PPEF2: variants seen among roughly 807,000 people sequenced by gnomAD.
PPEF2 encodes serine/threonine-protein phosphatase with EF-hands 2.
Under a neutral mutation model 84.7 loss-of-function variants are expected in PPEF2, and 84 were observed. The ratio of observed to expected loss-of-function variants is 0.99; its 90% CI spans 0.83 to 1.19. PPEF2 has a LOEUF of 1.19. Among genes scored for constraint, PPEF2 ranks in the 50% most tolerant of loss-of-function variants. The pLI, the probability that PPEF2 is intolerant of heterozygous loss-of-function variation, is 0.00. For missense variants in PPEF2, 924 were observed against 937.5 expected (o/e 0.99, Z 0.19); for synonymous variants, 346 against 345.2 (o/e 1.00, Z -0.03).
chr4:75,900,058 C>T (rs573149091), intron 1 of PPEF2, among the ~76,000 whole-genome samples: 1 of 152,216 alleles, frequency 6.6e-6, no homozygotes, highest in South Asian at 2.1e-4. Context: ...AATAAAACCT[C>T]AATATATGTT....
chr4:75,863,505 A>T (rs1256218126), intron 16 of PPEF2, among the ~76,000 whole-genome samples: 2 of 151,738 alleles, frequency 1.3e-5, no homozygotes, highest in Non-Finnish European at 2.9e-5. Context: ...GTCTCAAAAA[A>T]AAAAAAAAAA....
At chr4:75,894,105 T>C (rs1328908019) in intron 2 of PPEF2, among the ~76,000 whole-genome samples, 1 of 152,146 alleles carries the variant, frequency 6.6e-6, no homozygotes, top group Non-Finnish European at 1.5e-5. Context: ...ATAACAACAC[T>C]GTGAGAAAAT....
intron 11 of PPEF2, among the ~76,000 whole-genome samples, chr4:75,874,803 CAG>C (rs1724367862): frequency 1.3e-5 from 2 of 152,160 alleles, no homozygotes; most frequent in Admixed American, 6.5e-5. Context: ...CTTCTAGACT[CAG>C]AGTCAGCTGC....
In PPEF2 at chr4:75,883,050, G is replaced by A; in HGVS notation, c.809C>T (p.Thr270Ile). 6.2e-7 allele frequency: 1 copy of A among 1,614,038 alleles called. No individual in the cohort carries two copies. The highest frequency in any genetic ancestry group is 8.5e-7 in the Non-Finnish European group (1 of 1,179,972). ...YKVHGKEILR[T>I]LQDVFCWLPL... ...AAGCCAACAGAAAACATCTTGCAGG[G>A]TTCTTAGTATTTCCTTCCCGTGTAC... The change falls in exon 10 of 17, where the codon ACC becomes ATC. Residue 270 changes from threonine to isoleucine, a missense_variant. Physicochemically the swap from Thr to Ile is moderately conservative, Grantham distance 89 (BLOSUM62 -1). Coordinates refer to ENST00000286719, the MANE Select transcript of PPEF2 (RefSeq NM_006239.3).
chr4:75,882,549 T>TTC (rs1456369576), intron 10 of PPEF2, among the ~76,000 whole-genome samples: 1 of 151,736 alleles, frequency 6.6e-6, no homozygotes, highest in Non-Finnish European at 1.5e-5. Context: ...CTTTTTTTTT[T>TTC]TTTTAGAAAC....
At chr4:75,865,050 T>C (rs371702568) in intron 15 of PPEF2, among the ~76,000 whole-genome samples, 22 of 151,416 alleles carry the variant, frequency 1.5e-4, no homozygotes, top group African/African-American at 4.8e-4. Flanking sequence ...GATTCTCCTG[T>C]CTCGGCCTCC....
chr4:75,883,766 C>A (rs2149222604), intron 8 of PPEF2, among the ~76,000 whole-genome samples: 2 of 140,990 alleles, frequency 1.4e-5, no homozygotes, highest in African/African-American at 5.6e-5. Flanking sequence ...TGCAGTGAGC[C>A]GAGATCGCAC....
chr4:75,875,068 A>T (rs923960637), intron 11 of PPEF2, among the ~76,000 whole-genome samples: 1 of 150,434 alleles, frequency 6.6e-6, no homozygotes, highest in Non-Finnish European at 1.5e-5. Context: ...TGCCTGGCTA[A>T]TTTTTTTTTG....
Position 75,860,478 on chromosome 4 carries a change from T to G in PPEF2, c.*189A>C, listed in dbSNP as rs1284265142. 5.8e-6 allele frequency: 4 copies of G among 690,038 alleles called. No individual in the cohort carries two copies. Among genetic ancestry groups the G allele is most frequent in the Non-Finnish European group, 9.5e-6 (4 of 422,606 alleles). 42.7% of individuals were successfully genotyped at this position (690,038 alleles called of 1,614,324 possible). A position where few individuals can be genotyped will look rare whatever the true frequency, so the allele number is the denominator to read the frequency against. On this transcript the variant is annotated 3_prime_UTR_variant, in exon 17 of 17. Transcript: ENST00000286719. ...TTGTGAGGTGGGGTTGGGGCACTCATATACTTAAAACACATACATACACAA... is the reference window on the plus strand; with the variant it reads ...TTGTGAGGTGGGGTTGGGGCACTCAGATACTTAAAACACATACATACACAA...
chr4:75,861,755 A>G (rs13128570), intron 16 of PPEF2, among the ~76,000 whole-genome samples: 136,608 of 138,018 alleles, frequency 0.99, 67,623 homozygotes, highest in Non-Finnish European at 1. Flanking sequence ...GACTACAGGC[A>G]CCCGCCACCA....
chr4:75,866,454 G>T (rs747317457), intron 14 of PPEF2, 102 bp from the exon 15 acceptor site: 17 of 1,418,810 alleles, frequency 1.2e-5, no homozygotes, highest in Middle Eastern at 3.5e-4. Context: ...CTATCTGCAG[G>T]TAATAGAAAT....
At chr4:75,885,903 G>A (rs1724708587) in intron 7 of PPEF2, among the ~76,000 whole-genome samples, 1 of 152,138 alleles carries the variant, frequency 6.6e-6, no homozygotes, top group African/African-American at 2.4e-5. Flanking sequence ...CAGCTACTTG[G>A]GAGGCCGAGG....
chr4:75,891,017 T>G (rs1008442695), intron 4 of PPEF2, among the ~76,000 whole-genome samples: 3 of 151,980 alleles, frequency 2.0e-5, no homozygotes, highest in Non-Finnish European at 4.4e-5. Context: ...AGCCCATCTC[T>G]ACTAAACATA....
At position 75,890,030 on chromosome 4, in the gene PPEF2, G is replaced by A. The variant is rs1413722992; in HGVS notation, c.344C>T (p.Thr115Met). The A allele has an allele frequency of 5.6e-6, 9 of 1,613,972 alleles. No individual in the cohort carries two copies. Among genetic ancestry groups the A allele is most frequent in the African/African-American group, 1.3e-5 (1 of 74,902 alleles). The change falls in exon 5 of 17, where the codon ACG becomes ATG. Residue 115 changes from threonine (T) to methionine (M), a missense_variant. Coordinates refer to ENST00000286719, the MANE Select transcript of PPEF2 (RefSeq NM_006239.3). ...GAGTGGGAAGGAGAGGCGTGGCCCCGTGTAACTGTCGGGTACCTCTATGGA... is the reference window on the plus strand; with the variant it reads ...GAGTGGGAAGGAGAGGCGTGGCCCCATGTAACTGTCGGGTACCTCTATGGA... ...YESIEVPDSYTGPRLSFPLLP... is the reference protein window; with the variant it reads ...YESIEVPDSYMGPRLSFPLLP...
intron 16 of PPEF2, among the ~76,000 whole-genome samples, chr4:75,863,644 A>T (rs1464688128): frequency 6.6e-6 from 1 of 152,182 alleles, no homozygotes; most frequent in Non-Finnish European, 1.5e-5. Flanking sequence ...AACCAATAAT[A>T]ACATTGAAAA....
chr4:75,890,264 T>G lies in PPEF2; in HGVS notation c.242-132A>C. 3 of 942,798 alleles carry G rather than the reference T, an allele frequency of 3.2e-6. No individual in the cohort carries two copies. In the South Asian group the frequency reaches 5.1e-5, roughly 16 times the overall value. The allele number at this position is 942,798 out of a possible 1,614,324, so 58.4% of individuals were successfully genotyped here. ...AATTTGCGGGGCCAAGGAGGGAGGA[T>G]TGCTTGAGCCCAGGAGTTTGAGAAC... is the stretch of plus-strand genomic sequence containing the variant. On this transcript the variant is annotated intron_variant, in intron 4 of 16. Coordinates refer to ENST00000286719, the MANE Select transcript of PPEF2 (RefSeq NM_006239.3).
intron 2 of PPEF2, among the ~76,000 whole-genome samples, chr4:75,895,127 AT>A (rs34515110): frequency 0.42 from 54,582 of 129,016 alleles, 11,119 homozygotes; most frequent in East Asian, 0.87. Flanking sequence ...CAGCTAATTA[AT>A]TTTTTTTTTT....
intron 6 of PPEF2, 96 bp downstream of exon 6, chr4:75,888,118 A>G (rs957540785): frequency 2.2e-5 from 21 of 947,948 alleles, no homozygotes; most frequent in Non-Finnish European, 3.2e-5. Flanking sequence ...TTATCATCAC[A>G]TCTCCCTGCA....
chr4:75,901,671 T>A (rs1303955737), intron 1 of PPEF2, among the ~76,000 whole-genome samples: 1 of 152,234 alleles, frequency 6.6e-6, no homozygotes, highest in Non-Finnish European at 1.5e-5. Context: ...AATCACCAGC[T>A]GTCTTCTCCC....
Sources: gnomAD v4.1 joint callset for allele counts (sites outside exome capture counted in the v4.1 genomes callset) on GRCh38, gnomAD v4.1.1 for gene constraint, MANE v1.5 for transcripts, NCBI Gene and HGNC (gene_info 2026-07-23, HGNC 2026-07-21) for gene names.